Variants in CLSTN2 observed in about 807,000 individuals in gnomAD.
CLSTN2 encodes calsyntenin-2.
In CLSTN2, 48 loss-of-function variants were observed where a neutral mutation model predicts 101.2. The ratio of observed to expected loss-of-function variants is 0.47; its 90% confidence interval spans 0.38 to 0.60. The LOEUF (loss-of-function observed/expected upper bound fraction) is 0.60, where lower values mean the gene tolerates loss of function less well. Ranked by LOEUF, CLSTN2 falls within the 20% of genes least tolerant of loss-of-function variation. The pLI is 0.00. For synonymous variants in CLSTN2, 481 were observed against 463.6 expected, an observed-to-expected ratio of 1.04 and a Z score of -0.48; for missense variants, 1,160 against 1,238.2, an observed-to-expected ratio of 0.94 and a Z score of 0.95.
At chr3:140,173,180 T>C (rs561429928) in intron 1 of CLSTN2, among the ~76,000 whole-genome samples, 1 of 152,216 alleles carries the variant, frequency 6.6e-6, no homozygotes, top group East Asian at 1.9e-4. Flanking sequence ...AGACATTGGG[T>C]AAATACAACC....
chr3:140,199,935 G>A (rs1311222403), intron 2 of CLSTN2, among the ~76,000 whole-genome samples: 2 of 152,270 alleles, frequency 1.3e-5, no homozygotes, highest in South Asian at 2.1e-4. Flanking sequence ...TAAATTTAGT[G>A]GCACTGAACC....
At chr3:140,557,284 C>T (rs573372921) in intron 11 of CLSTN2, among the ~76,000 whole-genome samples, 35 of 152,098 alleles carry the variant, frequency 2.3e-4, no homozygotes, top group Non-Finnish European at 2.9e-4. Flanking sequence ...CACCTAGAGT[C>T]GGGAGAAGGA....
chr3:140,158,917 A>T lies in CLSTN2; in HGVS notation c.110-17034A>T, dbSNP rs190596910. 3.5e-4 allele frequency among the ~76,000 whole-genome samples: 53 copies of T among 152,264 alleles called. No individual in the cohort carries two copies. In the East Asian group the frequency reaches 9.6e-3, roughly 28 times the overall value. ...GATCTTCAGCAAAATAGTCAAAGATAAGCAATGGGGGAAAGAACACCCTAT... is the reference window on the plus strand; with the variant it reads ...GATCTTCAGCAAAATAGTCAAAGATTAGCAATGGGGGAAAGAACACCCTAT... On this transcript the variant is annotated intron_variant, in intron 1 of 16. Transcript: ENST00000458420.
intron 1 of CLSTN2, among the ~76,000 whole-genome samples, chr3:139,987,188 A>C (rs1423526656): frequency 6.6e-6 from 1 of 152,188 alleles, no homozygotes; most frequent in Admixed American, 6.5e-5. Context: ...TATAACTTAA[A>C]AAGATAGTAA....
intron 2 of CLSTN2, among the ~76,000 whole-genome samples, chr3:140,385,674 G>A (rs1005548276): frequency 6.6e-6 from 1 of 152,086 alleles, no homozygotes; most frequent in African/African-American, 2.4e-5. Flanking sequence ...ACCGCGCCCG[G>A]CCCCTGATGT....
intron 1 of CLSTN2, among the ~76,000 whole-genome samples, chr3:140,170,469 CA>C (rs1316154703): frequency 6.6e-6 from 1 of 152,106 alleles, no homozygotes; most frequent in Non-Finnish European, 1.5e-5. Flanking sequence ...AAAATGAGAA[CA>C]TTTAAATCCC....
chr3:140,138,612 CT>C (rs1425410346), intron 1 of CLSTN2, among the ~76,000 whole-genome samples: 4 of 152,212 alleles, frequency 2.6e-5, no homozygotes, highest in Admixed American at 6.5e-5. Context: ...AACATCTTAT[CT>C]TGGAGTTTTG....
intron 9 of CLSTN2, among the ~76,000 whole-genome samples, chr3:140,537,306 G>C (rs1202696614): frequency 6.6e-6 from 1 of 152,084 alleles, no homozygotes; most frequent in Non-Finnish European, 1.5e-5. Flanking sequence ...GCCCTAATTA[G>C]ACAACTAGTC....
intron 2 of CLSTN2, among the ~76,000 whole-genome samples, chr3:140,231,483 T>C (rs771138327): frequency 6.6e-6 from 1 of 152,070 alleles, no homozygotes; most frequent in Non-Finnish European, 1.5e-5. Context: ...CAAATTCAGG[T>C]CAAGGCAAGT....
intron 6 of CLSTN2, among the ~76,000 whole-genome samples, chr3:140,455,442 A>G (rs894046626): frequency 6.6e-6 from 1 of 152,194 alleles, no homozygotes; most frequent in African/African-American, 2.4e-5. Flanking sequence ...GGGCTTTTGT[A>G]TCACAGTGTG....
chr3:140,127,250 C>A (rs1289860517), intron 1 of CLSTN2, among the ~76,000 whole-genome samples: 2 of 152,010 alleles, frequency 1.3e-5, no homozygotes, highest in Non-Finnish European at 1.5e-5. Flanking sequence ...GGCATTTGAC[C>A]CGGGGCAAAT....
intron 2 of CLSTN2, among the ~76,000 whole-genome samples, chr3:140,225,623 G>A (rs1348112650): frequency 2.0e-5 from 3 of 152,120 alleles, no homozygotes; most frequent in Non-Finnish European, 4.4e-5. Flanking sequence ...TCAGCCTCCA[G>A]AGTAGCTGGG....
intron 1 of CLSTN2, among the ~76,000 whole-genome samples, chr3:140,116,400 C>T (rs2009242986): frequency 6.6e-6 from 1 of 152,192 alleles, no homozygotes; most frequent in East Asian, 1.9e-4. Context: ...AGGAGGCTTG[C>T]TCAAAGCCAG....
Position 140,109,787 on chromosome 3 carries a change from C to T in CLSTN2, c.110-66164C>T, listed in dbSNP as rs553722832. On this transcript the variant is annotated intron_variant, in intron 1 of 16. Transcript: ENST00000458420. ...TTAGCCCAGAGCAAAAGTGACTATG[C>T]CTGAGAACTTGGATTTTGCGTGATC... Among the ~76,000 whole-genome samples, 11 of 152,252 alleles carry T rather than the reference C, an allele frequency of 7.2e-5. No individual in the cohort carries two copies. In the South Asian group the frequency reaches 2.1e-3, roughly 29 times the overall value.
intron 2 of CLSTN2, among the ~76,000 whole-genome samples, chr3:140,258,238 T>C (rs1048062174): frequency 6.6e-6 from 1 of 152,330 alleles, no homozygotes; most frequent in South Asian, 2.1e-4. Context: ...AAGGAAGCCC[T>C]TTGTGGAAAC....
chr3:140,116,346 A>C (rs2009242065), intron 1 of CLSTN2, among the ~76,000 whole-genome samples: 1 of 152,250 alleles, frequency 6.6e-6, no homozygotes, highest in Non-Finnish European at 1.5e-5. Context: ...AAGTAATATT[A>C]TTAAATTCTA....
chr3:140,449,151 A>G (rs1933175900), intron 6 of CLSTN2, among the ~76,000 whole-genome samples: 1 of 152,178 alleles, frequency 6.6e-6, no homozygotes, highest in African/African-American at 2.4e-5. Context: ...CCAGCTATAT[A>G]ATTTGTGGGG....
intron 2 of CLSTN2, among the ~76,000 whole-genome samples, chr3:140,185,588 C>G (rs1441213865): frequency 6.6e-6 from 1 of 152,174 alleles, no homozygotes; most frequent in East Asian, 1.9e-4. Flanking sequence ...CTGACCCAAG[C>G]TGCAACCTAA....
At chr3:140,172,185 G>T (rs2010248602) in intron 1 of CLSTN2, among the ~76,000 whole-genome samples, 1 of 142,162 alleles carries the variant, frequency 7.0e-6, no homozygotes, top group South Asian at 2.3e-4. Context: ...TTTTGAATCT[G>T]ATGTACCTAC....
Sources: gnomAD v4.1 joint callset for allele counts (sites outside exome capture counted in the v4.1 genomes callset) on GRCh38, gnomAD v4.1.1 for gene constraint, MANE v1.5 for transcripts, NCBI Gene and HGNC (gene_info 2026-07-23, HGNC 2026-07-21) for gene names.